The following KIAA1210 variants were observed in gnomAD, a reference collection of about 807,000 sequenced individuals.
The protein encoded by KIAA1210 is KIAA1210, also known as acrosomal protein KIAA1210.
A neutral mutation model predicts 78.9 loss-of-function variants in KIAA1210; 48 were observed. The ratio of observed to expected loss-of-function variants is 0.61; its 90% CI spans 0.48 to 0.77. The LOEUF (loss-of-function observed/expected upper bound fraction) is 0.77. Ranked by LOEUF, KIAA1210 falls within the 30% of genes least tolerant of loss-of-function variation. The probability of loss-of-function intolerance (pLI) is 0.00; values close to 1 mark genes in which losing one functional copy is unlikely to be tolerated. For missense variants in KIAA1210, 1,108 were observed against 1,100.0 expected, an observed-to-expected ratio of 1.01 and a Z score of -0.10; for synonymous variants, 406 against 404.5, an observed-to-expected ratio of 1.00 and a Z score of -0.04.
chrX:119,150,997 G>A (rs778037463), upstream of KIAA1210, among the ~76,000 whole-genome samples: 3 of 112,513 alleles, frequency 2.7e-5, no homozygotes, highest in Non-Finnish European at 5.6e-5. Context: ...GCCGCTGGCC[G>A]GTTACGTGCC....
intron 6 of KIAA1210, among the ~76,000 whole-genome samples, chrX:119,098,648 T>A (rs903069517): frequency 9.2e-6 from 1 of 108,900 alleles, no homozygotes; most frequent in African/African-American, 3.3e-5. Context: ...AGTGATGTCT[T>A]CCCTGGCCAA....
intron 5 of KIAA1210, among the ~76,000 whole-genome samples, chrX:119,105,990 T>C (rs779191396): frequency 8.9e-6 from 1 of 111,839 alleles, no homozygotes; most frequent in Non-Finnish European, 1.9e-5. Context: ...CTTGTGGTCA[T>C]GAAGCTGACA....
In KIAA1210 at chrX:119,088,280, T is replaced by C; in HGVS notation, c.2422A>G (p.Lys808Glu). 8.3e-7 allele frequency: 1 copy of C among 1,211,502 alleles called. No individual in the cohort carries two copies. Among genetic ancestry groups the C allele is most frequent in the African/African-American group, 1.7e-5 (1 of 57,740 alleles). Reference sequence around the variant, plus strand: ...TTCATCAAGGGCTGGCAAAGAAGTTTAGGAGGCAGAGGCTTCATAGAAATG... The same window carrying C: ...TTCATCAAGGGCTGGCAAAGAAGTTCAGGAGGCAGAGGCTTCATAGAAATG... Reference protein sequence around the residue: ...ESISMKPLPPKLLCQPLMNPK... With the variant: ...ESISMKPLPPELLCQPLMNPK... The change falls in exon 9 of 12, where the codon AAA (lysine) becomes GAA (glutamate). Residue 808 changes from lysine to glutamate, a missense_variant. Physicochemically the swap from Lys to Glu is moderately conservative, Grantham distance 56. This residue lies in a region of KIAA1210 where 672 missense variants were observed against 607.1 expected (regional missense o/e 1.11). Transcript: ENST00000691062.
chrX:119,125,204 T>C (rs1423570585), intron 1 of KIAA1210, among the ~76,000 whole-genome samples: 1 of 111,695 alleles, frequency 9.0e-6, no homozygotes, highest in African/African-American at 3.3e-5. Flanking sequence ...ATTTGGATGA[T>C]ATTACATTGC....
chrX:119,098,397 G>T (rs1428086612), intron 6 of KIAA1210, among the ~76,000 whole-genome samples: 2 of 111,530 alleles, frequency 1.8e-5, no homozygotes, highest in Admixed American at 1.9e-4. Flanking sequence ...CTGAGGTCAG[G>T]AGTTTGAGGC....
chrX:119,148,269 C>T (rs762726413), intron 1 of KIAA1210, among the ~76,000 whole-genome samples: 1 of 111,944 alleles, frequency 8.9e-6, no homozygotes, highest in South Asian at 3.8e-4. Context: ...ACTCAGATGA[C>T]AATCTTTCCT....
chrX:119,134,585 A>G (rs1187560013), intron 2 of KIAA1210, among the ~76,000 whole-genome samples: 1 of 112,068 alleles, frequency 8.9e-6, no homozygotes, highest in Non-Finnish European at 1.9e-5. Context: ...CAGATGCCCA[A>G]ATAGGCTCTA....
chrX:119,103,105 C>A (rs1013902392), intron 6 of KIAA1210, among the ~76,000 whole-genome samples: 4 of 111,648 alleles, frequency 3.6e-5, no homozygotes, highest in Non-Finnish European at 5.6e-5. Context: ...CCCCTTTAGA[C>A]ATTGAAGCCC....
chrX:119,124,350 C>A (rs1928557262), intron 1 of KIAA1210, among the ~76,000 whole-genome samples: 1 of 112,310 alleles, frequency 8.9e-6, no homozygotes, highest in African/African-American at 3.2e-5. Flanking sequence ...TTGCACAAAT[C>A]TGTGACTGTA....
chrX:119,111,646 C>T (rs1419165554), intron 3 of KIAA1210, among the ~76,000 whole-genome samples: 2 of 110,785 alleles, frequency 1.8e-5, no homozygotes, highest in African/African-American at 6.6e-5. Context: ...AGGAGAAATA[C>T]CTAATGTAGA....
At position 119,127,764 on chromosome X, in the gene KIAA1210, C is replaced by G. The variant is rs1306974215; in HGVS notation, c.-48G>C. Among the ~76,000 whole-genome samples, 4 of 112,286 alleles carry G rather than the reference C, an allele frequency of 3.6e-5. No individual in the cohort carries two copies. The highest frequency in any genetic ancestry group is 9.5e-5 in the Admixed American group (1 of 10,579). On this transcript the variant is annotated 5_prime_UTR_variant, in exon 1 of 12. Coordinates refer to ENST00000691062, the MANE Select transcript of KIAA1210 (RefSeq NM_001394962.1). Reference sequence around the variant, plus strand: ...CTCACTTTCTATTCTCGTGAGCTCTCCAATCAGGCTTCCAAACTGAACTGC... The same window carrying G: ...CTCACTTTCTATTCTCGTGAGCTCTGCAATCAGGCTTCCAAACTGAACTGC...
At chrX:119,150,608 TGTCCCCCGACCTGCCGA>T (rs746969519), upstream of KIAA1210, 4 of 1,176,493 alleles carry the variant, frequency 3.4e-6, no homozygotes, top group Non-Finnish European at 4.6e-6. Flanking sequence ...CCTGTCTCTG[TGTCCCCCGACCTGCCGA>T]GTCCCAGAAG....
chrX:119,138,218 T>TTTTG (rs1252834352), intron 2 of KIAA1210, among the ~76,000 whole-genome samples: 121 of 84,501 alleles, frequency 1.4e-3, no homozygotes, highest in African/African-American at 5.1e-3. Flanking sequence ...GTTGTTTTTT[T>TTTTG]TTTTTTTTTT....
upstream of KIAA1210, among the ~76,000 whole-genome samples, chrX:119,131,425 C>T (rs1053410939): frequency 9.0e-6 from 1 of 111,656 alleles, no homozygotes; most frequent in African/African-American, 3.3e-5. Flanking sequence ...GAGGGAGCAG[C>T]GTTGAAAAAC....
upstream of KIAA1210, among the ~76,000 whole-genome samples, chrX:119,128,675 A>G (rs1928712098): frequency 9.1e-6 from 1 of 109,837 alleles, no homozygotes. Flanking sequence ...TTTATTTTTT[A>G]TTTTTCATTT....
chrX:119,128,393 C>T (rs113115003), upstream of KIAA1210, among the ~76,000 whole-genome samples: 1,920 of 110,223 alleles, frequency 0.017, 48 homozygotes, highest in African/African-American at 0.06. Context: ...GATGCAAGCC[C>T]ACCCCCATGC....
intron 2 of KIAA1210, among the ~76,000 whole-genome samples, chrX:119,134,794 A>G (rs1928874430): frequency 8.9e-6 from 1 of 112,349 alleles, no homozygotes; most frequent in African/African-American, 3.2e-5. Flanking sequence ...CCTTTCTGAG[A>G]TCTCTCTAGT....
rs183239973 is a variant in KIAA1210, at chrX:119,118,218, T to C, written c.62-1554A>G. Among the ~76,000 whole-genome samples the C allele has an allele frequency of 1.6e-4, 18 of 111,354 alleles. No homozygotes were observed. In the East Asian group the frequency reaches 5.1e-3, roughly 32 times the overall value. On this transcript the variant is annotated intron_variant, in intron 2 of 11. Transcript: ENST00000691062. ...AAAGCACCATCCAAGAGTCAGAAAA[T>C]TCTGGAATCCTAGGCTTGAATTCAC...
chrX:119,104,310 A>G (rs1216706446), intron 6 of KIAA1210, among the ~76,000 whole-genome samples: 2 of 112,191 alleles, frequency 1.8e-5, no homozygotes, highest in East Asian at 5.5e-4. Context: ...CTTTGTTGAC[A>G]TATCTAACTG....
Sources: gnomAD v4.1 joint callset for allele counts (sites outside exome capture counted in the v4.1 genomes callset) on GRCh38, gnomAD v4.1.1 for gene constraint, gnomAD v4.1.1 regional missense constraint, MANE v1.5 for transcripts, NCBI Gene and HGNC (gene_info 2026-07-23, HGNC 2026-07-21) for gene names.